LYRM4: variants seen among roughly 807,000 people sequenced by gnomAD.
LYRM4 encodes LYR motif-containing protein 4.
In LYRM4, 9 loss-of-function variants were observed where a neutral mutation model predicts 11.7. That is an observed-to-expected ratio of 0.77 (90% CI 0.46 to 1.34). The LOEUF (loss-of-function observed/expected upper bound fraction) is 1.34. LYRM4 is among the 40% of genes most tolerant of loss of function. The probability of loss-of-function intolerance (pLI) is 0.00; values close to 1 mark genes in which losing one functional copy is unlikely to be tolerated. For synonymous variants in LYRM4, 42 were observed against 40.4 expected, an observed-to-expected ratio of 1.04 and a Z score of -0.15; for missense variants, 133 against 112.5, an observed-to-expected ratio of 1.18 and a Z score of -0.82.
intron 1 of LYRM4, among the ~76,000 whole-genome samples, chr6:5,260,436 C>T (rs114006607): frequency 1.1e-4 from 17 of 152,360 alleles, no homozygotes; most frequent in African/African-American, 3.6e-4. Context: ...ATGAACGTCT[C>T]CCCTGGTAGA....
Position 5,129,644 on chromosome 6 carries a change from A to T in LYRM4, c.208-20153T>A, listed in dbSNP as rs539841939. ...GGTCCTCATTTGATCATACCTGTGAAGTCCCTTTTGCCATCAAATGTAACA... is the reference window on the plus strand; with the variant it reads ...GGTCCTCATTTGATCATACCTGTGATGTCCCTTTTGCCATCAAATGTAACA... On this transcript the variant is annotated intron_variant, in intron 2 of 2. Coordinates refer to ENST00000330636, the MANE Select transcript of LYRM4 (RefSeq NM_020408.6). 2.6e-5 allele frequency among the ~76,000 whole-genome samples: 4 copies of T among 152,246 alleles called. No homozygotes were observed. In the East Asian group the frequency reaches 7.7e-4, roughly 29 times the overall value.
chr6:5,073,373 A>G, the LYRM4 span, among the ~76,000 whole-genome samples: 2 of 151,674 alleles, frequency 1.3e-5, no homozygotes, highest in Non-Finnish European at 2.9e-5. Context: ...GTTAAAAAAT[A>G]TATATATTTT....
the LYRM4 span, among the ~76,000 whole-genome samples, chr6:5,047,118 C>A: frequency 1.3e-5 from 2 of 152,082 alleles, no homozygotes; most frequent in Admixed American, 1.3e-4. Context: ...ACAGGTCAAC[C>A]CAGATTCAAG....
At chr6:5,067,522 G>C in the LYRM4 span, among the ~76,000 whole-genome samples, 1 of 152,206 alleles carries the variant, frequency 6.6e-6, no homozygotes, top group Non-Finnish European at 1.5e-5. Flanking sequence ...CTTCCTCAAA[G>C]CAAGGGAGAG....
At chr6:5,082,196 T>C in the LYRM4 span, among the ~76,000 whole-genome samples, 1 of 152,162 alleles carries the variant, frequency 6.6e-6, no homozygotes, top group Non-Finnish European at 1.5e-5. Flanking sequence ...GGCACCCCGT[T>C]TGCAAGTGGC....
chr6:5,139,631 A>G (rs1757295998), intron 2 of LYRM4, among the ~76,000 whole-genome samples: 1 of 152,196 alleles, frequency 6.6e-6, no homozygotes, highest in African/African-American at 2.4e-5. Context: ...TACACAGACT[A>G]TAATCTACTC....
At chr6:5,254,757 T>G (rs755202190) in intron 1 of LYRM4, among the ~76,000 whole-genome samples, 1 of 152,174 alleles carries the variant, frequency 6.6e-6, no homozygotes, top group African/African-American at 2.4e-5. Flanking sequence ...ATTCCACTCA[T>G]GTAAAATGAA....
At chr6:5,161,739 C>T (rs961307617) in intron 2 of LYRM4, among the ~76,000 whole-genome samples, 1 of 152,210 alleles carries the variant, frequency 6.6e-6, no homozygotes, top group Non-Finnish European at 1.5e-5. Flanking sequence ...TGTGCTTTCA[C>T]AGTATTGACA....
rs1184322435 is a variant in LYRM4 at position 5,186,986 on chromosome 6, A to T, written c.207+29632T>A. The T allele has an allele frequency of 3.1e-5, 27 of 859,088 alleles. No homozygotes were observed. In the African/African-American group the frequency reaches 4.3e-4, roughly 14 times the overall value. The allele number at this position is 859,088 out of a possible 1,614,324, so 53.2% of individuals were successfully genotyped here. ...GCGACAGAGTGAGAGTCCATCTTAA[A>T]AAAAAAAAAAAATTGTCTATAAAAG... On this transcript the variant is annotated intron_variant, in intron 2 of 2. Transcript: ENST00000330636.
chr6:5,139,127 G>A (rs1057221022), intron 2 of LYRM4, among the ~76,000 whole-genome samples: 1 of 152,180 alleles, frequency 6.6e-6, no homozygotes, highest in Non-Finnish European at 1.5e-5. Context: ...ACATCTCTGC[G>A]GTAGGGAGAA....
the LYRM4 span, chr6:5,086,222 G>A: frequency 1.3e-6 from 2 of 1,535,452 alleles, no homozygotes; most frequent in African/African-American, 2.7e-5. Flanking sequence ...CCTGGGCCCA[G>A]GGCCGTGACC....
intron 2 of LYRM4, among the ~76,000 whole-genome samples, chr6:5,179,565 CT>C (rs1344843794): frequency 1.3e-5 from 2 of 152,144 alleles, no homozygotes; most frequent in African/African-American, 4.8e-5. Context: ...GCATAATGTC[CT>C]CCAGATTCAT....
chr6:5,211,680 A>T (rs1761994295), intron 2 of LYRM4, among the ~76,000 whole-genome samples: 1 of 152,248 alleles, frequency 6.6e-6, no homozygotes. Context: ...GGTAGAAAAC[A>T]GTGACCCCTG....
At chr6:5,085,493 C>T in the LYRM4 span, 1 of 1,535,446 alleles carries the variant, frequency 6.5e-7, no homozygotes, top group Non-Finnish European at 8.7e-7. Flanking sequence ...GTCATGGAGC[C>T]CATAGGGGCG....
intron 1 of LYRM4, among the ~76,000 whole-genome samples, chr6:5,239,911 T>C (rs1386902566): frequency 6.6e-6 from 1 of 152,060 alleles, no homozygotes; most frequent in Non-Finnish European, 1.5e-5. Flanking sequence ...TACCTGGCCA[T>C]GGCGCAGAAC....
intron 2 of LYRM4, among the ~76,000 whole-genome samples, chr6:5,196,424 T>C (rs1032602446): frequency 1.3e-5 from 2 of 152,192 alleles, no homozygotes; most frequent in African/African-American, 4.8e-5. Flanking sequence ...AGTCCAAACA[T>C]GGACTCAGAC....
chr6:5,248,410 C>G (rs1764287556), intron 1 of LYRM4, among the ~76,000 whole-genome samples: 1 of 152,260 alleles, frequency 6.6e-6, no homozygotes, highest in African/African-American at 2.4e-5. Flanking sequence ...AGTCTGCAAT[C>G]TGCAGAAAAC....
At position 5,109,243 on chromosome 6, in the gene LYRM4, G is replaced by T; in HGVS notation, c.*180C>A. On this transcript the variant is annotated 3_prime_UTR_variant, in exon 3 of 3. Coordinates refer to ENST00000330636, the MANE Select transcript of LYRM4 (RefSeq NM_020408.6). Reference sequence around the variant, plus strand: ...CATTCTAACACTTGAACCAAGGAAAGACAGCAGTCCTTTTTCACTAAGCCT... The same window carrying T: ...CATTCTAACACTTGAACCAAGGAAATACAGCAGTCCTTTTTCACTAAGCCT... 6.9e-7 allele frequency: 1 copy of T among 1,456,686 alleles called. No homozygotes were observed. Among genetic ancestry groups the T allele is most frequent in the Admixed American group, 2.5e-5 (1 of 39,434 alleles). The allele number at this position is 1,456,686 out of a possible 1,614,324, so 90.2% of individuals were successfully genotyped here. A position where few individuals can be genotyped will look rare whatever the true frequency, so the allele number is the denominator to read the frequency against.
chr6:5,245,350 T>C (rs1764149341), intron 1 of LYRM4, among the ~76,000 whole-genome samples: 2 of 151,516 alleles, frequency 1.3e-5, no homozygotes. Context: ...TTACTCCTAC[T>C]TGTTAATAAG....
Sources: gnomAD v4.1 joint callset for allele counts (sites outside exome capture counted in the v4.1 genomes callset) on GRCh38, gnomAD v4.1.1 for gene constraint, MANE v1.5 for transcripts, NCBI Gene and HGNC (gene_info 2026-07-23, HGNC 2026-07-21) for gene names.